The following UGT1A1 variants were observed in gnomAD, a reference collection of about 807,000 sequenced individuals.
UGT1A1 encodes the protein UDP glucuronosyltransferase family 1 member A1.
Under a neutral mutation model 40.6 loss-of-function variants are expected in UGT1A1, and 33 were observed. The observed-to-expected ratio is 0.81, with a 90% CI of 0.62 to 1.09. UGT1A1 has a LOEUF of 1.09. Ranked by LOEUF, UGT1A1 falls within the 50% of genes least tolerant of loss-of-function variation. The pLI is 0.00. For missense variants in UGT1A1, 694 were observed against 671.2 expected, an observed-to-expected ratio of 1.03 and a Z score of -0.38; for synonymous variants, 249 against 265.0, an observed-to-expected ratio of 0.94 and a Z score of 0.59.
intron 1 of UGT1A1, among the ~76,000 whole-genome samples, chr2:233,763,573 CTCTT>C (rs1698348195): frequency 1.3e-5 from 2 of 152,188 alleles, no homozygotes; most frequent in African/African-American, 4.8e-5. Flanking sequence ...TTCTTATTTT[CTCTT>C]TCTTCCTTTG....
At chr2:233,761,712 C>G (rs1355356029) in intron 1 of UGT1A1, among the ~76,000 whole-genome samples, 1 of 152,230 alleles carries the variant, frequency 6.6e-6, no homozygotes, top group Non-Finnish European at 1.5e-5. Context: ...GTTTCATTCT[C>G]AAGCTATTAG....
chr2:233,772,314 G>T lies in UGT1A1; in HGVS notation c.1357G>T (p.Glu453Ter). The T allele has an allele frequency of 6.2e-7, 1 of 1,614,222 alleles. No individual in the cohort carries two copies. The highest frequency in any genetic ancestry group is 8.5e-7 in the Non-Finnish European group (1 of 1,180,048). ...LSSLHKDRPV[E>*]PLDLAVFWVE... is the part of the protein sequence containing the mutation. Reference sequence around the variant, plus strand: ...CAGCCTTCACAAGGACCGCCCGGTGGAGCCGCTGGACCTGGCCGTGTTCTG... The same window carrying T: ...CAGCCTTCACAAGGACCGCCCGGTGTAGCCGCTGGACCTGGCCGTGTTCTG... Residue 453 changes from glutamate (E) to a stop codon, truncating the protein, a stop_gained, in exon 5 of 5, where the codon GAG (glutamate) becomes TAG (stop). Transcript: ENST00000305208. LOFTEE classifies it high-confidence loss of function.
chr2:233,769,680 T>C lies in UGT1A1; in HGVS notation c.1304+1241T>C. On this transcript the variant is annotated intron_variant, in intron 4 of 4. Transcript: ENST00000305208. The surrounding 1 kb of genome is among the most constrained non-coding windows in gnomAD (Gnocchi z 4.4). The stretch of plus-strand genomic sequence containing the variant: ...CACCTTTGAGGTGCTAATGTGTGTG[T>C]GGTGGCACTGGATAAAAGATCAATG... 1 of 1,566,500 alleles carries C rather than the reference T, an allele frequency of 6.4e-7. No individual in the cohort carries two copies. The highest frequency in any genetic ancestry group is 8.7e-7 in the Non-Finnish European group (1 of 1,155,954).
Position 233,767,861 on chromosome 2 carries a change from T to C in UGT1A1, c.1009T>C (p.Tyr337His). The C allele has an allele frequency of 1.9e-6, 3 of 1,614,194 alleles. No homozygotes were observed. In the South Asian group the frequency reaches 3.3e-5, roughly 18 times the overall value. ...TTGCCCCTCCCAGGTCCTGTGGCGG[T>C]ACACTGGAACCCGACCATCGAATCT... is the stretch of plus-strand genomic sequence containing the variant. ...GKIPQTVLWR[Y>H]TGTRPSNLAN... The change falls in exon 3 of 5, where the codon TAC becomes CAC. Residue 337 changes from tyrosine to histidine, a missense_variant. Transcript: ENST00000305208.
In UGT1A1 at chr2:233,769,743, C is replaced by T. The variant is rs1376344823; in HGVS notation, c.1304+1304C>T. Reference sequence around the variant, plus strand: ...CATGGCACACGCCTGTAGTCCCAGCCACTCTGGAGGCTAAGGCGGGAGGAT... The same window carrying T: ...CATGGCACACGCCTGTAGTCCCAGCTACTCTGGAGGCTAAGGCGGGAGGAT... On this transcript the variant is annotated intron_variant, in intron 4 of 4. Coordinates refer to ENST00000305208, the MANE Select transcript of UGT1A1 (RefSeq NM_000463.3). The surrounding 1 kb of genome is among the most constrained non-coding windows in gnomAD (Gnocchi z 4.4). The T allele has an allele frequency of 1.2e-5, 17 of 1,445,490 alleles. No homozygotes were observed. The East Asian group carries it at 4.3e-4, about 36-fold the overall frequency. 89.5% of individuals were successfully genotyped at this position (1,445,490 alleles called of 1,614,324 possible).
intron 3 of UGT1A1, 35 bp downstream of exon 3, chr2:233,767,971 A>C (rs71537802): frequency 2.1e-4 from 336 of 1,614,092 alleles, no homozygotes; most frequent in Non-Finnish European, 2.7e-4. Context: ...AGGTCAAACC[A>C]GGGTCAAATT....
intron 4 of UGT1A1, chr2:233,771,016 A>C (rs1281561140): frequency 2.0e-5 from 3 of 152,186 alleles, no homozygotes; most frequent in African/African-American, 7.2e-5. Flanking sequence ...AGCAGGAGCG[A>C]GAGAGAGTTG....
intron 1 of UGT1A1, among the ~76,000 whole-genome samples, chr2:233,764,785 C>T (rs567027233): frequency 9.9e-5 from 15 of 152,240 alleles, no homozygotes; most frequent in African/African-American, 3.4e-4. Flanking sequence ...GAAAAACCAT[C>T]CTCAGGGTGT....
At chr2:233,767,649 T>C (rs965947156) in intron 2 of UGT1A1, among the ~76,000 whole-genome samples, 200 bp from the exon 3 acceptor site, 2 of 152,184 alleles carry the variant, frequency 1.3e-5, no homozygotes, top group African/African-American at 4.8e-5. Context: ...ATTCACGTAG[T>C]GCATACACCC....
rs1697595439 is a variant in UGT1A1, at chr2:233,760,878, C to T, written c.591C>T (p.Leu197=). 6.2e-7 allele frequency: 1 copy of T among 1,614,062 alleles called. No homozygotes were observed. The highest frequency in any genetic ancestry group is 1.7e-5 in the Admixed American group (1 of 60,004). Residue 197 remains leucine (L), a synonymous_variant, in exon 1 of 5, where the codon CTC becomes CTT. Transcript: ENST00000305208. ...CATTCTCCTACGTGCCCAGGCCTCT[C>T]TCCTCTCATTCAGATCACATGACCT... ...PNPFSYVPRP[L]SSHSDHMTFL...
intron 1 of UGT1A1, among the ~76,000 whole-genome samples, chr2:233,765,217 G>C (rs1406021636): frequency 6.6e-6 from 1 of 152,092 alleles, no homozygotes; most frequent in Non-Finnish European, 1.5e-5. Flanking sequence ...AGTATTCTTT[G>C]CAAACATAAA....
At chr2:233,771,873 A>C (rs912640618) in intron 4 of UGT1A1, among the ~76,000 whole-genome samples, 1 of 150,972 alleles carries the variant, frequency 6.6e-6, no homozygotes, top group African/African-American at 2.4e-5. Context: ...ACATTTATTA[A>C]GAATAAGTTT....
chr2:233,769,507 T>C lies in UGT1A1; in HGVS notation c.1304+1068T>C. 6.2e-7 allele frequency: 1 copy of C among 1,612,744 alleles called. No homozygotes were observed. Among genetic ancestry groups the C allele is most frequent in the South Asian group, 1.1e-5 (1 of 91,058 alleles). The stretch of plus-strand genomic sequence containing the variant: ...TGTGTTTATGAGAGTGTCCATTGCT[T>C]TCTCCCATGGTTACCTCCTTTAGAA... On this transcript the variant is annotated intron_variant, in intron 4 of 4. Coordinates refer to ENST00000305208, the MANE Select transcript of UGT1A1 (RefSeq NM_000463.3). This position sits in a 1 kb window ranked among gnomAD's most constrained non-coding sequence, Gnocchi z 4.4.
chr2:233,772,537 C>A lies in UGT1A1; in HGVS notation c.1580C>A (p.Ala527Asp). Residue 527 changes from alanine (A) to aspartate (D), a missense_variant, in exon 5 of 5, where the codon GCC becomes GAC. By Grantham distance (126) the Ala-to-Asp change is moderately radical (BLOSUM62 -2). Coordinates refer to ENST00000305208, the MANE Select transcript of UGT1A1 (RefSeq NM_000463.3). ...CLGKKGRVKK[A>D]HKSKTH ...GGGAAAAAAGGGCGAGTTAAGAAAG[C>A]CCACAAATCCAAGACCCATTGAGAA... 1.9e-6 allele frequency: 3 copies of A among 1,614,090 alleles called. No homozygotes were observed. Among genetic ancestry groups the A allele is most frequent in the Non-Finnish European group, 2.5e-6 (3 of 1,180,000 alleles).
chr2:233,768,231 A>G lies in UGT1A1; in HGVS notation c.1096A>G (p.Thr366Ala). The G allele has an allele frequency of 5.6e-6, 9 of 1,614,162 alleles. No homozygotes were observed. The highest frequency in any genetic ancestry group is 7.6e-6 in the Non-Finnish European group (9 of 1,180,044). Reference sequence around the variant, plus strand: ...ATTTTGCATCTCAGGTCACCCGATGACCCGTGCCTTTATCACCCATGCTGG... The same window carrying G: ...ATTTTGCATCTCAGGTCACCCGATGGCCCGTGCCTTTATCACCCATGCTGG... ...PQNDLLGHPMTRAFITHAGSH... is the reference protein window; with the variant it reads ...PQNDLLGHPMARAFITHAGSH... The change falls in exon 4 of 5, where the codon ACC becomes GCC. Residue 366 changes from threonine (T) to alanine (A), a missense_variant. By Grantham distance (58) the Thr-to-Ala change is moderately conservative. Coordinates refer to ENST00000305208, the MANE Select transcript of UGT1A1 (RefSeq NM_000463.3).
chr2:233,772,563 G>A lies in UGT1A1; in HGVS notation c.*4G>A. ...CCACAAATCCAAGACCCATTGAGAA[G>A]TGGGTGGGAAATAAGGTAAAATTTT... On this transcript the variant is annotated 3_prime_UTR_variant, in exon 5 of 5. Transcript: ENST00000305208. 2 of 1,613,538 alleles carry A rather than the reference G, an allele frequency of 1.2e-6. No homozygotes were observed. Among genetic ancestry groups the A allele is most frequent in the Middle Eastern group, 1.6e-4 (1 of 6,062 alleles).
intron 2 of UGT1A1, 98 bp downstream of exon 2, chr2:233,767,263 G>C (rs1020187729): frequency 6.3e-7 from 1 of 1,589,094 alleles, no homozygotes; most frequent in African/African-American, 1.4e-5. Flanking sequence ...TGGAACCTTA[G>C]ATTTGGCTTT....
Position 233,768,202 on chromosome 2 carries a change from C to A in UGT1A1, c.1085-18C>A. 6.2e-7 allele frequency: 1 copy of A among 1,614,156 alleles called. No individual in the cohort carries two copies. On this transcript the variant is annotated intron_variant, in intron 3 of 4. Transcript: ENST00000305208. ...TCAGAGATGTAACTGCTGACATCCT[C>A]CCTATTTTGCATCTCAGGTCACCCG...
chr2:233,769,382 A>G lies in UGT1A1; in HGVS notation c.1304+943A>G. 1 of 1,021,984 alleles carries G rather than the reference A, an allele frequency of 9.8e-7. No individual in the cohort carries two copies. The highest frequency in any genetic ancestry group is 1.6e-5 in the South Asian group (1 of 63,370). 63.3% of individuals were successfully genotyped at this position (1,021,984 alleles called of 1,614,324 possible). On this transcript the variant is annotated intron_variant, in intron 4 of 4. Transcript: ENST00000305208. This position sits in a 1 kb window ranked among gnomAD's most constrained non-coding sequence, Gnocchi z 4.4. ...GGCCAGTGGTAGATTTCATCCGACAATAGATACTGTGTGCATATGTGCGTG... is the reference window on the plus strand; with the variant it reads ...GGCCAGTGGTAGATTTCATCCGACAGTAGATACTGTGTGCATATGTGCGTG...
Sources: gnomAD v4.1 joint callset for allele counts (sites outside exome capture counted in the v4.1 genomes callset) on GRCh38, gnomAD v4.1.1 for gene constraint, Gnocchi (gnomAD v3.1) non-coding constraint, MANE v1.5 for transcripts, NCBI Gene and HGNC (gene_info 2026-07-23, HGNC 2026-07-21) for gene names.